The following STK32A variants were observed in gnomAD, a reference collection of about 807,000 sequenced individuals.
The protein encoded by STK32A is serine/threonine-protein kinase 32A.
In STK32A, 41 loss-of-function variants were observed where a neutral mutation model predicts 53.2. The ratio of observed to expected loss-of-function variants is 0.77; its 90% confidence interval spans 0.60 to 1.00. The LOEUF (loss-of-function observed/expected upper bound fraction) is 1.00, where lower values mean the gene tolerates loss of function less well. STK32A is among the 50% of genes least tolerant of loss of function. The probability of loss-of-function intolerance (pLI) is 0.00; values close to 1 mark genes in which losing one functional copy is unlikely to be tolerated. For missense variants in STK32A, 458 were observed against 485.8 expected (o/e 0.94, Z 0.54); for synonymous variants, 166 against 162.8 (o/e 1.02, Z -0.15).
rs1487717056 is a variant in STK32A, at chr5:147,323,958, C to A, written c.321C>A (p.Asp107Glu). 2 of 1,613,402 alleles carry A rather than the reference C, an allele frequency of 1.2e-6. No homozygotes were observed. The highest frequency in any genetic ancestry group is 1.7e-6 in the Non-Finnish European group (2 of 1,179,802). The change falls in exon 5 of 13, where the codon GAC becomes GAA. Residue 107 changes from aspartate to glutamate, a missense_variant. By Grantham distance (45) the Asp-to-Glu change is conservative. Transcript: ENST00000397936. The stretch of plus-strand genomic sequence containing the variant: ...TGGTGGACCTCCTGCTGGGTGGAGA[C>A]CTGCGTTATCACCTGCAACAGAACG... ...FMVVDLLLGGDLRYHLQQNVH... is the reference protein window; with the variant it reads ...FMVVDLLLGGELRYHLQQNVH...
At chr5:147,329,642 C>T (rs537266152) in intron 5 of STK32A, among the ~76,000 whole-genome samples, 18 of 151,368 alleles carry the variant, frequency 1.2e-4, no homozygotes, top group Non-Finnish European at 2.2e-4. Flanking sequence ...TGCACGTGCA[C>T]GCACGCACAC....
Position 147,256,801 on chromosome 5 carries a change from C to T in STK32A, c.52+17115C>T, listed in dbSNP as rs373435382. Among the ~76,000 whole-genome samples, 22 of 152,186 alleles carry T rather than the reference C, an allele frequency of 1.4e-4. No individual in the cohort carries two copies. The East Asian group carries it at 2.9e-3, about 20-fold the overall frequency. ...TGCTGGGATTACAGGCGTGAGCCAC[C>T]GAGCCTGACCTGTTTTAAGTCTTTA... On this transcript the variant is annotated intron_variant, in intron 2 of 12. Transcript: ENST00000397936.
chr5:147,383,867 T>A, intron 12 of STK32A, 23 bp from the exon 13 acceptor site: 1 of 1,413,986 alleles, frequency 7.1e-7, no homozygotes, highest in South Asian at 1.3e-5. Context: ...ATAAAACATC[T>A]TTTTTTTTCT....
intron 3 of STK32A, 94 bp from the exon 4 acceptor site, chr5:147,279,153 C>A (rs1236151668): frequency 1.6e-6 from 2 of 1,239,420 alleles, no homozygotes; most frequent in African/African-American, 1.5e-5. Flanking sequence ...TGTTAAGGAT[C>A]CAAGCCACAG....
intron 5 of STK32A, among the ~76,000 whole-genome samples, chr5:147,334,621 G>A (rs1289692761): frequency 6.6e-6 from 1 of 152,158 alleles, no homozygotes; most frequent in Non-Finnish European, 1.5e-5. Context: ...GGTTGTTTGA[G>A]GATAGTGTGG....
chr5:147,244,353 G>T (rs1368280), intron 2 of STK32A, among the ~76,000 whole-genome samples: 1 of 151,982 alleles, frequency 6.6e-6, no homozygotes, highest in Non-Finnish European at 1.5e-5. Flanking sequence ...GTGTGCAAAT[G>T]TCTGTTCAAG....
chr5:147,396,713 C>T, the STK32A span, among the ~76,000 whole-genome samples: 21 of 152,244 alleles, frequency 1.4e-4, no homozygotes, highest in African/African-American at 4.8e-4. Context: ...GAATCTAAAT[C>T]ACACTCATAG....
rs572275100 is a variant in STK32A, at chr5:147,242,148, T to G, written c.52+2462T>G. On this transcript the variant is annotated intron_variant, in intron 2 of 12. Transcript: ENST00000397936. ...CTAGGTCACCACCTTTTCTGTTGTC[T>G]GGCTTCTCAGCCCAATGAGATGAAC... Among the ~76,000 whole-genome samples the G allele has an allele frequency of 8.5e-5, 13 of 152,324 alleles. No homozygotes were observed. In the South Asian group the frequency reaches 2.7e-3, roughly 32 times the overall value.
chr5:147,393,892 T>G, the STK32A span: 2 of 807,728 alleles, frequency 2.5e-6, no homozygotes, highest in Non-Finnish European at 4.0e-6. Context: ...GAGCGTAACA[T>G]TGGAGAAACA....
chr5:147,307,129 A>G (rs930301384), intron 4 of STK32A, among the ~76,000 whole-genome samples: 1 of 152,120 alleles, frequency 6.6e-6, no homozygotes, highest in African/African-American at 2.4e-5. Flanking sequence ...TATCTAATTT[A>G]TTATATATAT....
chr5:147,273,485 T>G (rs1422748444), intron 2 of STK32A, among the ~76,000 whole-genome samples: 2 of 152,294 alleles, frequency 1.3e-5, no homozygotes, highest in South Asian at 2.1e-4. Context: ...TGAGTTGATT[T>G]TACCCACTCC....
intron 4 of STK32A, among the ~76,000 whole-genome samples, chr5:147,319,284 G>A (rs947986375): frequency 6.6e-6 from 1 of 151,758 alleles, no homozygotes; most frequent in Non-Finnish European, 1.5e-5. Context: ...CTGGACCTAC[G>A]GGTGCATGCC....
At chr5:147,392,465 TC>T (rs1385370335), downstream of STK32A, 1 of 152,232 alleles carries the variant, frequency 6.6e-6, no homozygotes, top group Non-Finnish European at 1.5e-5. Context: ...GCTCTTCTCT[TC>T]AAAGCACTTA....
At chr5:147,265,971 C>G (rs1035918723) in intron 2 of STK32A, among the ~76,000 whole-genome samples, 12 of 152,110 alleles carry the variant, frequency 7.9e-5, no homozygotes, top group African/African-American at 2.9e-4. Flanking sequence ...ACGCAATATT[C>G]CTTCTTAAAA....
At chr5:147,281,802 G>A (rs1283155227) in intron 4 of STK32A, among the ~76,000 whole-genome samples, 1 of 152,140 alleles carries the variant, frequency 6.6e-6, no homozygotes, top group African/African-American at 2.4e-5. Flanking sequence ...TAGGCACACT[G>A]TCATCAGATT....
chr5:147,365,539 G>A (rs1010763222), intron 8 of STK32A, among the ~76,000 whole-genome samples: 5 of 151,526 alleles, frequency 3.3e-5, no homozygotes, highest in African/African-American at 7.3e-5. Flanking sequence ...AAGTAGATAC[G>A]CTACTCATGA....
chr5:147,395,346 C>T, the STK32A span, among the ~76,000 whole-genome samples: 3 of 152,140 alleles, frequency 2.0e-5, no homozygotes, highest in African/African-American at 4.8e-5. Flanking sequence ...ACCTGGTCTT[C>T]GGCCTGACTG....
At chr5:147,305,842 T>C (rs1286671036) in intron 4 of STK32A, among the ~76,000 whole-genome samples, 1 of 151,872 alleles carries the variant, frequency 6.6e-6, no homozygotes, top group African/African-American at 2.4e-5. Context: ...ACATTCTTAT[T>C]TGTTCTTTTG....
chr5:147,390,478 C>CAAA (rs151186049), downstream of STK32A, among the ~76,000 whole-genome samples: 4,004 of 110,802 alleles, frequency 0.036, 209 homozygotes, highest in African/African-American at 0.11. Flanking sequence ...GGGGAAAGAC[C>CAAA]AAAAAAAAAA....
Sources: allele counts gnomAD v4.1 joint callset (sites outside exome capture counted in the v4.1 genomes callset), GRCh38; gene constraint gnomAD v4.1.1; transcripts MANE v1.5; gene names NCBI Gene and HGNC (gene_info 2026-07-23, HGNC 2026-07-21).